AADAC: variants seen among roughly 807,000 people sequenced by gnomAD.
AADAC encodes the protein arylacetamide deacetylase.
AADAC carries 17 observed loss-of-function variants against 22.7 expected under a neutral mutation model. That is an observed-to-expected ratio of 0.75 (90% CI 0.51 to 1.12). The LOEUF is 1.12. AADAC is among the 50% of genes most tolerant of loss of function. AADAC has a pLI of 0.00. For synonymous variants in AADAC, 167 were observed against 176.3 expected (o/e 0.95, Z 0.42); for missense variants, 465 against 473.9 (o/e 0.98, Z 0.17).
At position 151,820,383 on chromosome 3, in the gene AADAC, C is replaced by T. The variant is rs746954617; in HGVS notation, c.362C>T (p.Ala121Val). 5 of 1,574,952 alleles carry T rather than the reference C, an allele frequency of 3.2e-6. No individual in the cohort carries two copies. In the South Asian group the frequency reaches 6.0e-5, roughly 19 times the overall value. ...HGGGWCVGSA[A>V]LSGYDLLSRW... Reference sequence around the variant, plus strand: ...TGTTGCTTTTATCCTTTTATTTCAGCTCTAAGTGGTTATGACTTGCTGTCA... The same window carrying T: ...TGTTGCTTTTATCCTTTTATTTCAGTTCTAAGTGGTTATGACTTGCTGTCA... Residue 121 changes from alanine to valine, a missense_variant and splice_region_variant, in exon 3 of 5, where the codon GCT becomes GTT. Coordinates refer to ENST00000232892, the MANE Select transcript of AADAC (RefSeq NM_001086.3).
Position 151,827,716 on chromosome 3 carries a change from A to G in AADAC, c.744A>G (p.Arg248=). Residue 248 remains arginine, a synonymous_variant, in exon 5 of 5, where the codon AGA becomes AGG. Transcript: ENST00000232892. ...TTCTATCCAAATCACTCATGGTCAGATTCTGGAGTGAATATTTTACCACTG... is the reference window on the plus strand; with the variant it reads ...TTCTATCCAAATCACTCATGGTCAGGTTCTGGAGTGAATATTTTACCACTG... ...FLFLSKSLMV[R]FWSEYFTTDR... is the part of the protein sequence containing the mutation. 2 of 1,613,200 alleles carry G rather than the reference A, an allele frequency of 1.2e-6. No homozygotes were observed. The highest frequency in any genetic ancestry group is 1.1e-5 in the South Asian group (1 of 91,060).
Position 151,827,680 on chromosome 3 carries a change from A to C in AADAC, c.708A>C (p.Ser236=). 1.2e-6 allele frequency: 2 copies of C among 1,612,446 alleles called. No individual in the cohort carries two copies. Among genetic ancestry groups the C allele is most frequent in the East Asian group, 2.2e-5 (1 of 44,858 alleles). ...ATTTACCGTCATATCAAGAAAATTC[A>C]AATTTTCTATTTCTATCCAAATCAC... The part of the protein sequence containing the change: ...DVDLPSYQEN[S]NFLFLSKSLM... The change falls in exon 5 of 5, where the codon TCA becomes TCC. Residue 236 remains serine (S), a synonymous_variant. Coordinates refer to ENST00000232892, the MANE Select transcript of AADAC (RefSeq NM_001086.3).
rs1716601674 is a variant in AADAC, at chr3:151,828,469, A to G, written c.*297A>G. ...GCTACTATTTACGATGCAAGAGAAT[A>G]AATGTGAGCAAATATTGCCTGTCTG... On this transcript the variant is annotated 3_prime_UTR_variant, in exon 5 of 5. Coordinates refer to ENST00000232892, the MANE Select transcript of AADAC (RefSeq NM_001086.3). The G allele has an allele frequency of 5.9e-6, 1 of 169,374 alleles. No homozygotes were observed. The highest frequency in any genetic ancestry group is 2.4e-5 in the African/African-American group (1 of 42,196). The allele number at this position is 169,374 out of a possible 1,614,324, so 10.5% of individuals were successfully genotyped here. A position where few individuals can be genotyped will look rare whatever the true frequency, so the allele number is the denominator to read the frequency against.
chr3:151,827,553 G>T (rs1374654370), intron 4 of AADAC, 23 bp from the exon 5 acceptor site: 1 of 1,424,064 alleles, frequency 7.0e-7, no homozygotes, highest in Non-Finnish European at 9.6e-7. Flanking sequence ...AAAATGATTT[G>T]TGCAAATCAT....
Position 151,824,690 on chromosome 3 carries a change from C to A in AADAC, c.459C>A (p.Phe153Leu). 1 of 1,584,058 alleles carries A rather than the reference C, an allele frequency of 6.3e-7. No individual in the cohort carries two copies. Residue 153 changes from phenylalanine (F) to leucine (L), a missense_variant, in exon 4 of 5, where the codon TTC becomes TTA. Phe to Leu is a conservative substitution (Grantham distance 22). Transcript: ENST00000232892. The stretch of plus-strand genomic sequence containing the variant: ...ACAGATTAGCACCTAAGTATCATTT[C>A]CCAATTCAATTTGAAGATGTATATA... The part of the protein sequence containing the change: ...TNYRLAPKYH[F>L]PIQFEDVYNA...
chr3:151,817,788 T>A (rs1230182366), intron 2 of AADAC, among the ~76,000 whole-genome samples, 200 bp downstream of exon 2: 1 of 152,044 alleles, frequency 6.6e-6, no homozygotes, highest in African/African-American at 2.4e-5. Context: ...TCAACCCAGG[T>A]AGAGGTGAGA....
chr3:151,824,805 G>C lies in AADAC; in HGVS notation c.574G>C (p.Gly192Arg). The C allele has an allele frequency of 6.3e-7, 1 of 1,596,830 alleles. No homozygotes were observed. The highest frequency in any genetic ancestry group is 8.5e-7 in the Non-Finnish European group (1 of 1,172,866). The change falls in exon 4 of 5, where the codon GGG becomes CGG. Residue 192 changes from glycine to arginine, a missense_variant. Transcript: ENST00000232892. ...CGGTATTTCTGGAGATAGTGCAGGA[G>C]GGAATTTAGCTGCAGCAGTGACTCA... ...RIGISGDSAG[G>R]NLAAAVTQQL...
intron 2 of AADAC, among the ~76,000 whole-genome samples, chr3:151,818,172 C>T (rs1285668406): frequency 2.0e-5 from 3 of 149,390 alleles, no homozygotes; most frequent in East Asian, 2.0e-4. Flanking sequence ...ACCCAGGAGG[C>T]GGAGGTCGCA....
At chr3:151,825,939 TA>T (rs749473278) in intron 4 of AADAC, among the ~76,000 whole-genome samples, 1 of 151,916 alleles carries the variant, frequency 6.6e-6, no homozygotes, top group Non-Finnish European at 1.5e-5. Context: ...CTGCATCTGG[TA>T]GCTCAGAACT....
chr3:151,818,977 G>C (rs1716117559), intron 2 of AADAC, among the ~76,000 whole-genome samples: 1 of 151,960 alleles, frequency 6.6e-6, no homozygotes, highest in Admixed American at 6.6e-5. Context: ...GATTGGACTG[G>C]ACCTACTAAG....
At position 151,827,849 on chromosome 3, in the gene AADAC, A is replaced by G. The variant is rs767622761; in HGVS notation, c.877A>G (p.Lys293Glu). 17 of 1,613,164 alleles carry G rather than the reference A, an allele frequency of 1.1e-5. No homozygotes were observed. The South Asian group carries it at 1.6e-4, about 16-fold the overall frequency. The change falls in exon 5 of 5, where the codon AAA (lysine) becomes GAA (glutamate). Residue 293 changes from lysine to glutamate, a missense_variant. By Grantham distance (56) the Lys-to-Glu change is moderately conservative. Transcript: ENST00000232892. Reference sequence around the variant, plus strand: ...TTCCCTGCTCCCTGAGAGGTTTATAAAAGGACATGTTTATAACAATCCAAA... The same window carrying G: ...TTCCCTGCTCCCTGAGAGGTTTATAGAAGGACATGTTTATAACAATCCAAA... ...WSSLLPERFIKGHVYNNPNYG... is the reference protein window; with the variant it reads ...WSSLLPERFIEGHVYNNPNYG...
In AADAC at chr3:151,817,413, T is replaced by C. The variant is rs556079043; in HGVS notation, c.186T>C (p.Phe62=). 2 of 1,613,812 alleles carry C rather than the reference T, an allele frequency of 1.2e-6. No homozygotes were observed. The highest frequency in any genetic ancestry group is 8.5e-7 in the Non-Finnish European group (1 of 1,179,768). ...LLGLHHFMDS[F]KVVGSFDEVP... ...GACTTCACCATTTTATGGATTCCTT[T>C]AAGGTTGTCGGGAGCTTTGATGAAG... The change falls in exon 2 of 5, where the codon TTT becomes TTC. Residue 62 remains phenylalanine (F), a synonymous_variant. Coordinates refer to ENST00000232892, the MANE Select transcript of AADAC (RefSeq NM_001086.3).
Position 151,827,966 on chromosome 3 carries a change from T to A in AADAC, c.994T>A (p.Leu332Ile), listed in dbSNP as rs1716576598. ...GGCTGATGACAACAAATTACGTGGC[T>A]TACCCCTGACCTATGTCATCACCTG... is the stretch of plus-strand genomic sequence containing the variant. ...LLADDNKLRG[L>I]PLTYVITCQY... Residue 332 changes from leucine (L) to isoleucine (I), a missense_variant, in exon 5 of 5, where the codon TTA (leucine) becomes ATA (isoleucine). Leu to Ile is a conservative substitution (Grantham distance 5). Coordinates refer to ENST00000232892, the MANE Select transcript of AADAC (RefSeq NM_001086.3). 1 of 1,611,714 alleles carries A rather than the reference T, an allele frequency of 6.2e-7. No individual in the cohort carries two copies. Among genetic ancestry groups the A allele is most frequent in the Non-Finnish European group, 8.5e-7 (1 of 1,178,542 alleles).
At chr3:151,824,876 A>G (rs376976313) in intron 4 of AADAC, 42 bp downstream of exon 4, 24 of 1,413,354 alleles carry the variant, frequency 1.7e-5, no homozygotes, top group Non-Finnish European at 2.2e-5. Flanking sequence ...TAGCGTTTCT[A>G]CGCTGTTTTA....
chr3:151,824,552 T>G, intron 3 of AADAC, 111 bp from the exon 4 acceptor site: 1 of 764,580 alleles, frequency 1.3e-6, no homozygotes, highest in Non-Finnish European at 1.9e-6. Context: ...CAGCATGTAT[T>G]AGGTTGGTGC....
chr3:151,825,738 G>A (rs1411163964), intron 4 of AADAC, among the ~76,000 whole-genome samples: 1 of 151,922 alleles, frequency 6.6e-6, no homozygotes, highest in Non-Finnish European at 1.5e-5. Flanking sequence ...CAGATTATAT[G>A]TAGAATAGAT....
In AADAC at chr3:151,816,971, T is replaced by C. The variant is rs568931528; in HGVS notation, c.139-395T>C. Among the ~76,000 whole-genome samples, 15 of 152,128 alleles carry C rather than the reference T, an allele frequency of 9.9e-5. No homozygotes were observed. In the South Asian group the frequency reaches 1.2e-3, roughly 13 times the overall value. Reference sequence around the variant, plus strand: ...ACTTTTAAAGGTGTCAGATTCTCAGTTGATTTTTCCTAGATCTGGACAAAT... The same window carrying C: ...ACTTTTAAAGGTGTCAGATTCTCAGCTGATTTTTCCTAGATCTGGACAAAT... On this transcript the variant is annotated intron_variant, in intron 1 of 4. Transcript: ENST00000232892.
chr3:151,814,205 A>G lies in AADAC; in HGVS notation c.43A>G (p.Ile15Val). Residue 15 changes from isoleucine to valine, a missense_variant, in exon 1 of 5, where the codon ATA becomes GTA. Physicochemically the swap from Ile to Val is conservative, Grantham distance 29 (BLOSUM62 3). Transcript: ENST00000232892. ...SLYLLIVGIL[I>V]AYYIYTPLPD... ...GTACCTTCTGATTGTGGGGATCCTC[A>G]TAGCATATTATATTTATACGCCTCT... 1 of 1,613,354 alleles carries G rather than the reference A, an allele frequency of 6.2e-7. No individual in the cohort carries two copies. Among genetic ancestry groups the G allele is most frequent in the Non-Finnish European group, 8.5e-7 (1 of 1,179,462 alleles).
chr3:151,818,065 C>T (rs1716066308), intron 2 of AADAC, among the ~76,000 whole-genome samples: 2 of 151,708 alleles, frequency 1.3e-5, no homozygotes, highest in South Asian at 4.1e-4. Context: ...ATGGTGAAAC[C>T]CTGTATCTAC....
Sources: allele counts gnomAD v4.1 joint callset (sites outside exome capture counted in the v4.1 genomes callset), GRCh38; gene constraint gnomAD v4.1.1; transcripts MANE v1.5; gene names NCBI Gene and HGNC (gene_info 2026-07-23, HGNC 2026-07-21).